CELF4: variants seen among roughly 807,000 people sequenced by gnomAD.
CELF4 encodes the protein CUG-BP- and ETR-3-like factor 4.
In CELF4, 18 loss-of-function variants were observed where a neutral mutation model predicts 59.9. That is an observed-to-expected ratio of 0.30 (90% CI 0.21 to 0.45). The LOEUF (loss-of-function observed/expected upper bound fraction) is 0.45, where lower values mean the gene tolerates loss of function less well. Ranked by LOEUF, CELF4 falls within the 20% of genes least tolerant of loss-of-function variation. The pLI is 1.00. For missense variants in CELF4, 456 were observed against 689.0 expected, an observed-to-expected ratio of 0.66 and a Z score of 3.79; for synonymous variants, 261 against 267.1, an observed-to-expected ratio of 0.98 and a Z score of 0.22.
chr18:37,340,146 C>G (rs1165013768), intron 2 of CELF4, among the ~76,000 whole-genome samples: 1 of 152,230 alleles, frequency 6.6e-6, no homozygotes, highest in Admixed American at 6.5e-5. Context: ...AAAATGTCCG[C>G]ACACATTTTC....
chr18:37,516,005 T>C (rs932419175), intron 1 of CELF4, among the ~76,000 whole-genome samples: 1 of 151,902 alleles, frequency 6.6e-6, no homozygotes, highest in Non-Finnish European at 1.5e-5. Flanking sequence ...GTGGAGTGAG[T>C]GAGTGAGTGA....
intron 2 of CELF4, among the ~76,000 whole-genome samples, chr18:37,342,914 C>T (rs1174373047): frequency 1.3e-5 from 2 of 152,160 alleles, no homozygotes; most frequent in South Asian, 2.1e-4. Flanking sequence ...ATGTCCCTGG[C>T]GGTCCCCATG....
chr18:37,328,579 C>G (rs1007097331), intron 2 of CELF4, among the ~76,000 whole-genome samples: 1 of 152,192 alleles, frequency 6.6e-6, no homozygotes, highest in Non-Finnish European at 1.5e-5. Flanking sequence ...TAATTTGCAG[C>G]CTTCACCAGG....
At chr18:37,548,717 G>C (rs950947824) in intron 1 of CELF4, among the ~76,000 whole-genome samples, 1 of 152,210 alleles carries the variant, frequency 6.6e-6, no homozygotes, top group Non-Finnish European at 1.5e-5. Flanking sequence ...TTGAGCAGGT[G>C]TTGCTGCAGT....
At chr18:37,259,321 A>C in intron 10 of CELF4, 57 bp from the exon 11 acceptor site, 1 of 692,064 alleles carries the variant, frequency 1.4e-6, no homozygotes, top group Non-Finnish European at 2.2e-6. Flanking sequence ...GGGGGAAGAG[A>C]GAGACAGAGG....
chr18:37,353,923 T>A, intron 2 of CELF4, among the ~76,000 whole-genome samples: 1 of 151,912 alleles, frequency 6.6e-6, no homozygotes, highest in East Asian at 1.9e-4. Context: ...GCCCAGCTAA[T>A]TTTTTGTATT....
chr18:37,492,677 G>A (rs781267061), intron 1 of CELF4, among the ~76,000 whole-genome samples: 5 of 151,652 alleles, frequency 3.3e-5, no homozygotes, highest in African/African-American at 7.3e-5. Context: ...TCGAGTACCC[G>A]GCTGGAGTCT....
At position 37,462,136 on chromosome 18, in the gene CELF4, C is replaced by T. The variant is rs138898749; in HGVS notation, c.369+23389G>A. ...TGAGCCCTGCTGACTCCCTGGAGCA[C>T]CCTGAGAGCTCAGCAGAGGTAGGAG... is the stretch of plus-strand genomic sequence containing the variant. On this transcript the variant is annotated intron_variant, in intron 2 of 12. Transcript: ENST00000420428. 8.9e-4 allele frequency among the ~76,000 whole-genome samples: 136 copies of T among 152,294 alleles called. 1 individual carries two copies. Among genetic ancestry groups the T allele is most frequent in the African/African-American group, 2.8e-3 (117 of 41,566 alleles).
rs2097423081 is a variant in CELF4 at position 37,328,739 on chromosome 18, A to T, written c.370-6858T>A. Reference sequence around the variant, plus strand: ...ACACCAGTTCCTATCCACCCAGATAACTCAGGTTTTATGCTCTGCCCTCCA... The same window carrying T: ...ACACCAGTTCCTATCCACCCAGATATCTCAGGTTTTATGCTCTGCCCTCCA... On this transcript the variant is annotated intron_variant, in intron 2 of 12. Coordinates refer to ENST00000420428, the MANE Select transcript of CELF4 (RefSeq NM_020180.4). Among the ~76,000 whole-genome samples the T allele has an allele frequency of 3.9e-5, 6 of 152,178 alleles. No individual in the cohort carries two copies. The South Asian group carries it at 1.2e-3, about 32-fold the overall frequency.
At chr18:37,256,563 A>G (rs1229161369) in intron 11 of CELF4, among the ~76,000 whole-genome samples, 2 of 152,072 alleles carry the variant, frequency 1.3e-5, no homozygotes, top group African/African-American at 2.4e-5. Context: ...GTTAGGTATC[A>G]CTTTATTTTA....
At chr18:37,506,582 C>CT (rs2099938321) in intron 1 of CELF4, among the ~76,000 whole-genome samples, 2 of 152,178 alleles carry the variant, frequency 1.3e-5, no homozygotes, top group African/African-American at 4.8e-5. Flanking sequence ...GAAGGGTCTC[C>CT]TGCGGTCACA....
chr18:37,407,347 A>G (rs1419372058), intron 2 of CELF4, among the ~76,000 whole-genome samples: 1 of 152,168 alleles, frequency 6.6e-6, no homozygotes, highest in African/African-American at 2.4e-5. Flanking sequence ...GCCCAGCATG[A>G]GTGAGCAGAC....
intron 1 of CELF4, among the ~76,000 whole-genome samples, chr18:37,532,397 C>A (rs1279959922): frequency 6.6e-6 from 1 of 152,130 alleles, no homozygotes; most frequent in African/African-American, 2.4e-5. Context: ...CCTTTGTAAC[C>A]CTCACCCAGG....
At chr18:37,321,097 T>A (rs1376857195) in intron 3 of CELF4, among the ~76,000 whole-genome samples, 1 of 152,104 alleles carries the variant, frequency 6.6e-6, no homozygotes, top group Admixed American at 6.5e-5. Flanking sequence ...GGGGGGGCAG[T>A]ACAGACACAC....
chr18:37,346,345 G>A (rs1206425856), intron 2 of CELF4, among the ~76,000 whole-genome samples: 2 of 152,122 alleles, frequency 1.3e-5, no homozygotes, highest in Non-Finnish European at 2.9e-5. Flanking sequence ...GAGCCCAGGG[G>A]GAAAAAAGAG....
chr18:37,287,536 T>TCCTCCTCTCTCTTCCC (rs1271327884), intron 3 of CELF4, among the ~76,000 whole-genome samples: 1 of 152,170 alleles, frequency 6.6e-6, no homozygotes, highest in Non-Finnish European at 1.5e-5. Context: ...CCCCTCTTCT[T>TCCTCCTCTCTCTTCCC]CCTCCTCTCT....
chr18:37,264,618 C>A (rs1234607223), intron 10 of CELF4, 56 bp downstream of exon 10: 1 of 1,452,596 alleles, frequency 6.9e-7, no homozygotes, highest in Non-Finnish European at 9.4e-7. Context: ...AGGTGAGCAG[C>A]CTCTTTGGGG....
chr18:37,388,269 G>A (rs2099120640), intron 2 of CELF4, among the ~76,000 whole-genome samples: 1 of 152,130 alleles, frequency 6.6e-6, no homozygotes, highest in Admixed American at 6.5e-5. Context: ...ACCATTGCGT[G>A]AAGAGATGGG....
intron 2 of CELF4, among the ~76,000 whole-genome samples, chr18:37,358,573 T>C (rs949112541): frequency 6.6e-6 from 1 of 152,184 alleles, no homozygotes; most frequent in Non-Finnish European, 1.5e-5. Flanking sequence ...GGGAGGCAGG[T>C]ACCCCCAAGA....
Sources: gnomAD v4.1 joint callset for allele counts (sites outside exome capture counted in the v4.1 genomes callset) on GRCh38, gnomAD v4.1.1 for gene constraint, MANE v1.5 for transcripts, NCBI Gene and HGNC (gene_info 2026-07-23, HGNC 2026-07-21) for gene names.